PRSS48: variants seen among roughly 807,000 people sequenced by gnomAD.
PRSS48 encodes the protein serine protease 48.
Under a neutral mutation model 25.6 loss-of-function variants are expected in PRSS48, and 21 were observed. The observed-to-expected ratio is 0.82, with a 90% CI of 0.58 to 1.18. PRSS48 has a LOEUF of 1.18. PRSS48 is among the 50% of genes most tolerant of loss of function. PRSS48 has a pLI of 0.00. For missense variants in PRSS48, 373 were observed against 399.3 expected (o/e 0.93, Z 0.56); for synonymous variants, 150 against 149.3 (o/e 1.00, Z -0.04).
chr4:151,291,324 G>A (rs751607255), exon 5 of PRSS48: 1 of 1,613,872 alleles, frequency 6.2e-7, no homozygotes, highest in Non-Finnish European at 8.5e-7. Context: ...TACTCTCTCT[G>A]GCTCTCCTGC....
At chr4:151,289,563 T>C (rs1024679027) in intron 4 of PRSS48, among the ~76,000 whole-genome samples, 5 of 152,186 alleles carry the variant, frequency 3.3e-5, no homozygotes, top group Non-Finnish European at 2.9e-5. Flanking sequence ...AGCATCTGAA[T>C]AGATATTTTT....
chr4:151,279,658 C>G, intron 1 of PRSS48, 138 bp from the exon 2 acceptor site: 2 of 736,702 alleles, frequency 2.7e-6, no homozygotes, highest in Middle Eastern at 2.4e-4. Flanking sequence ...GGGTGTGGAA[C>G]CAGAATAGGA....
chr4:151,280,749 C>A (rs1774139872), intron 2 of PRSS48, among the ~76,000 whole-genome samples: 1 of 151,640 alleles, frequency 6.6e-6, no homozygotes, highest in Non-Finnish European at 1.5e-5. Flanking sequence ...TATGATTGTA[C>A]CACACATTCC....
At chr4:151,287,953 T>G (rs1449979745) in intron 4 of PRSS48, among the ~76,000 whole-genome samples, 4 of 152,112 alleles carry the variant, frequency 2.6e-5, no homozygotes, top group African/African-American at 9.7e-5. Context: ...CCAGGAAACT[T>G]AGGTTGGTTT....
rs955809152 is a variant in PRSS48 at position 151,278,629 on chromosome 4, C to T, written c.53-1167C>T. The stretch of plus-strand genomic sequence containing the variant: ...TCCTTCTGCCCTGCCTATCTCACCA[C>T]ATTTTTTTCCTTTTCTTTTCAGACA... On this transcript the variant is annotated intron_variant, in intron 1 of 4. Coordinates refer to ENST00000455694, the Ensembl canonical transcript of PRSS48. Among the ~76,000 whole-genome samples, 4 of 151,864 alleles carry T rather than the reference C, an allele frequency of 2.6e-5. No homozygotes were observed. The East Asian group carries it at 5.8e-4, about 22-fold the overall frequency.
intron 2 of PRSS48, among the ~76,000 whole-genome samples, chr4:151,281,413 G>A (rs986789450): frequency 1.3e-5 from 2 of 152,124 alleles, no homozygotes; most frequent in South Asian, 2.1e-4. Context: ...CTGATCTAAC[G>A]AAAAGTTATG....
intron 4 of PRSS48, among the ~76,000 whole-genome samples, chr4:151,287,118 A>T (rs1020530451): frequency 6.6e-6 from 1 of 151,864 alleles, no homozygotes; most frequent in African/African-American, 2.4e-5. Context: ...AGGCAGGCAG[A>T]TCACCTGATG....
intron 3 of PRSS48, 148 bp downstream of exon 3, chr4:151,282,561 AAT>A: frequency 2.4e-6 from 2 of 829,972 alleles, no homozygotes; most frequent in Non-Finnish European, 3.6e-6. Context: ...TTTTAAATAA[AAT>A]ATCTTTTTTG....
upstream of PRSS48, chr4:151,277,167 A>G: frequency 1.1e-5 from 16 of 1,464,586 alleles, no homozygotes; most frequent in Non-Finnish European, 1.5e-5. Flanking sequence ...CTCTGAGGAC[A>G]GAGACATGGG....
In PRSS48 at chr4:151,282,212, C is replaced by T. The variant is rs778594353; in HGVS notation, c.280C>T (p.Arg94Cys). Residue 94 changes from arginine to cysteine, a missense_variant, in exon 3 of 5, where the codon CGT becomes TGT. Physicochemically the swap from Arg to Cys is radical, Grantham distance 180. Transcript: ENST00000455694. ...GATTACAGTAGGTGACTCAAGGAAA[C>T]GTGTGAAGTACTACGTGTCCAAAAT... 5.0e-6 allele frequency: 8 copies of T among 1,613,708 alleles called. No individual in the cohort carries two copies. In the African/African-American group the frequency reaches 5.3e-5, roughly 11 times the overall value.
At chr4:151,284,648 T>C (rs1580405394) in intron 4 of PRSS48, among the ~76,000 whole-genome samples, 4 of 152,348 alleles carry the variant, frequency 2.6e-5, no homozygotes, top group Admixed American at 2.6e-4. Context: ...CCTGTTGTTT[T>C]GTTTACTTTA....
chr4:151,282,855 T>G (rs1774384104), intron 3 of PRSS48, among the ~76,000 whole-genome samples: 1 of 152,144 alleles, frequency 6.6e-6, no homozygotes, highest in African/African-American at 2.4e-5. Flanking sequence ...ATACCTTTAC[T>G]CAATCAGAAT....
At chr4:151,286,537 A>C (rs1774804617) in intron 4 of PRSS48, among the ~76,000 whole-genome samples, 1 of 151,542 alleles carries the variant, frequency 6.6e-6, no homozygotes, top group Non-Finnish European at 1.5e-5. Flanking sequence ...ACCATAACTT[A>C]CCTAAGAAGA....
At chr4:151,281,317 A>C (rs1329300955) in intron 2 of PRSS48, among the ~76,000 whole-genome samples, 1 of 152,228 alleles carries the variant, frequency 6.6e-6, no homozygotes, top group Non-Finnish European at 1.5e-5. Context: ...CAGGAGAAGC[A>C]AAACGTTTTA....
chr4:151,279,741 A>T lies in PRSS48; in HGVS notation c.53-55A>T, dbSNP rs576391104. On this transcript the variant is annotated intron_variant, in intron 1 of 4. Coordinates refer to ENST00000455694, the Ensembl canonical transcript of PRSS48. ...GTTTGGGAATGATGATAAGGTGGGG[A>T]CCAGAGAAACAGGACTCCTAGGTTT... 82 of 1,534,548 alleles carry T rather than the reference A, an allele frequency of 5.3e-5. No individual in the cohort carries two copies. In the South Asian group the frequency reaches 9.3e-4, roughly 17 times the overall value.
At chr4:151,281,625 G>C (rs1383559996) in intron 2 of PRSS48, among the ~76,000 whole-genome samples, 1 of 152,132 alleles carries the variant, frequency 6.6e-6, no homozygotes, top group South Asian at 2.1e-4. Flanking sequence ...GAAAGTCATT[G>C]CCTCTAAATA....
chr4:151,283,182 C>A, exon 4 of PRSS48: 2 of 1,613,862 alleles, frequency 1.2e-6, no homozygotes, highest in Non-Finnish European at 1.7e-6. Context: ...GGCTTGTGAA[C>A]AGCTCTACAA....
intron 4 of PRSS48, among the ~76,000 whole-genome samples, chr4:151,286,994 T>TAAG (rs1406539278): frequency 6.8e-6 from 1 of 146,604 alleles, no homozygotes; most frequent in Non-Finnish European, 1.5e-5. Context: ...ATAATAATAA[T>TAAG]AATAATAATA....
chr4:151,281,698 T>TA (rs1487092106), intron 2 of PRSS48, among the ~76,000 whole-genome samples: 2 of 150,106 alleles, frequency 1.3e-5, no homozygotes, highest in African/African-American at 4.9e-5. Flanking sequence ...TTTATTTATT[T>TA]TGTACATCTT....
Sources: gnomAD v4.1 joint callset for allele counts (sites outside exome capture counted in the v4.1 genomes callset) on GRCh38, gnomAD v4.1.1 for gene constraint, MANE v1.5 for transcripts, NCBI Gene and HGNC (gene_info 2026-07-23, HGNC 2026-07-21) for gene names.